The following CCDC102B variants were observed in gnomAD, a reference collection of about 807,000 sequenced individuals.
CCDC102B encodes coiled-coil domain-containing protein 102B.
CCDC102B carries 75 observed loss-of-function variants against 57.4 expected under a neutral mutation model. The observed-to-expected ratio is 1.31, with a 90% CI of 1.08 to 1.58. The LOEUF is 1.58. CCDC102B is among the 40% of genes most tolerant of loss of function. The probability of loss-of-function intolerance (pLI) is 0.00; values close to 1 mark genes in which losing one functional copy is unlikely to be tolerated. For synonymous variants in CCDC102B, 206 were observed against 201.9 expected (o/e 1.02, Z -0.17); for missense variants, 636 against 582.6 (o/e 1.09, Z -0.94).
At chr18:68,987,907 G>C (rs1467233402) in intron 6 of CCDC102B, among the ~76,000 whole-genome samples, 1 of 152,046 alleles carries the variant, frequency 6.6e-6, no homozygotes. Flanking sequence ...CTGCTCTTGA[G>C]GCTGCAGAAA....
At chr18:68,786,188 A>G (rs903841529) in intron 2 of CCDC102B, among the ~76,000 whole-genome samples, 4 of 151,364 alleles carry the variant, frequency 2.6e-5, no homozygotes, top group African/African-American at 9.7e-5. Context: ...ATTGATCTAT[A>G]TCTCTGTTTT....
At chr18:68,724,099 G>A (rs772785009) in intron 2 of CCDC102B, among the ~76,000 whole-genome samples, 6 of 152,266 alleles carry the variant, frequency 3.9e-5, no homozygotes, top group Middle Eastern at 6.8e-3. Flanking sequence ...GGCTTGCATC[G>A]TCAGAAGCAA....
Position 68,792,258 on chromosome 18 carries a change from C to G in CCDC102B, c.-66-31108C>G, listed in dbSNP as rs531789. ...CTCTTAATAATTAGATATTCCCAAG[C>G]AAATGTTCTAAAATTTTCAGTCTCA... is the stretch of plus-strand genomic sequence containing the variant. On this transcript the variant is annotated intron_variant, in intron 2 of 3. Transcript: ENST00000578970. Among the ~76,000 whole-genome samples, 830 of 152,256 alleles carry G rather than the reference C, an allele frequency of 5.5e-3. 5 individuals are homozygous for G. The highest frequency in any genetic ancestry group is 0.039 in the East Asian group (202 of 5,180).
At chr18:68,801,576 A>G (rs889310313) in intron 1 of CCDC102B, among the ~76,000 whole-genome samples, 2 of 152,110 alleles carry the variant, frequency 1.3e-5, no homozygotes, top group African/African-American at 4.8e-5. Context: ...GAGAAAAAAA[A>G]CATATGCTCA....
chr18:69,011,293 G>T, intron 7 of CCDC102B, 189 bp downstream of exon 7: 1 of 579,482 alleles, frequency 1.7e-6, no homozygotes. Context: ...GTTTGTGGCG[G>T]TAATAGTATA....
chr18:68,884,103 C>A (rs2039789903), intron 5 of CCDC102B, among the ~76,000 whole-genome samples: 1 of 152,018 alleles, frequency 6.6e-6, no homozygotes, highest in Admixed American at 6.6e-5. Context: ...GAAAACAATA[C>A]CAAGGTTTCT....
At chr18:68,771,625 C>T (rs574989135) in intron 2 of CCDC102B, among the ~76,000 whole-genome samples, 21 of 152,208 alleles carry the variant, frequency 1.4e-4, no homozygotes, top group Admixed American at 5.2e-4. Flanking sequence ...AAGCGAGGAG[C>T]GGTAAGGGCT....
intron 6 of CCDC102B, among the ~76,000 whole-genome samples, chr18:68,904,653 T>C (rs751823041): frequency 1.3e-5 from 2 of 152,152 alleles, no homozygotes; most frequent in African/African-American, 2.4e-5. Flanking sequence ...TTTACCCTAA[T>C]GTAATATGAT....
intron 1 of CCDC102B, among the ~76,000 whole-genome samples, chr18:68,826,313 G>T (rs2036900651): frequency 6.6e-6 from 1 of 151,794 alleles, no homozygotes; most frequent in Non-Finnish European, 1.5e-5. Context: ...TTCACAAATG[G>T]TTGTGGGCAG....
intron 6 of CCDC102B, among the ~76,000 whole-genome samples, chr18:68,953,192 A>G (rs1039262821): frequency 6.6e-6 from 1 of 152,130 alleles, no homozygotes; most frequent in African/African-American, 2.4e-5. Flanking sequence ...CTAGGCATTT[A>G]TAATATACAT....
At chr18:69,011,257 T>A (rs2051507829) in intron 7 of CCDC102B, 153 bp downstream of exon 7, 5 of 713,932 alleles carry the variant, frequency 7.0e-6, no homozygotes, top group Non-Finnish European at 1.1e-5. Context: ...AGTAAGGAAA[T>A]AAGATTACAC....
chr18:69,043,110 G>A (rs4091130), intron 7 of CCDC102B, among the ~76,000 whole-genome samples: 5,340 of 152,172 alleles, frequency 0.035, 293 homozygotes, highest in African/African-American at 0.12. Context: ...AGACAAACAT[G>A]TGAACAAAGG....
intron 6 of CCDC102B, among the ~76,000 whole-genome samples, chr18:68,927,974 A>C (rs1599705140): frequency 6.6e-6 from 1 of 151,892 alleles, no homozygotes; most frequent in Non-Finnish European, 1.5e-5. Flanking sequence ...CGTTTAACTT[A>C]CAGACACTGG....
intron 4 of CCDC102B, among the ~76,000 whole-genome samples, chr18:68,851,947 G>A (rs1167935201): frequency 6.6e-6 from 1 of 152,064 alleles, no homozygotes; most frequent in African/African-American, 2.4e-5. Flanking sequence ...TAAATCCAAA[G>A]CTTCTGTTTT....
intron 2 of CCDC102B, among the ~76,000 whole-genome samples, chr18:68,775,056 T>C (rs2034766256): frequency 6.6e-6 from 1 of 151,248 alleles, no homozygotes. Context: ...CTTTTCACTT[T>C]GTATTCTAGA....
chr18:68,991,412 A>G (rs1441686969), intron 6 of CCDC102B, among the ~76,000 whole-genome samples: 1 of 152,212 alleles, frequency 6.6e-6, no homozygotes, highest in Non-Finnish European at 1.5e-5. Context: ...CAGGGCACTA[A>G]GTGTGGGTAG....
intron 6 of CCDC102B, among the ~76,000 whole-genome samples, chr18:68,973,948 C>A (rs2050367999): frequency 6.6e-6 from 1 of 152,076 alleles, no homozygotes; most frequent in African/African-American, 2.4e-5. Context: ...ATCTTAGCGG[C>A]TGCAACATCA....
At chr18:68,982,128 T>C (rs187855819) in intron 6 of CCDC102B, among the ~76,000 whole-genome samples, 2 of 152,014 alleles carry the variant, frequency 1.3e-5, no homozygotes, top group East Asian at 3.9e-4. Context: ...TCAAAGTCAA[T>C]TGTTCTGGAG....
At chr18:68,749,467 A>G (rs188760756) in intron 2 of CCDC102B, among the ~76,000 whole-genome samples, 2 of 152,300 alleles carry the variant, frequency 1.3e-5, no homozygotes, top group Admixed American at 1.3e-4. Flanking sequence ...AGTGGTTTGC[A>G]GTTCTCCTTG....
Sources: gnomAD v4.1 joint callset for allele counts (sites outside exome capture counted in the v4.1 genomes callset) on GRCh38, gnomAD v4.1.1 for gene constraint, MANE v1.5 for transcripts, NCBI Gene and HGNC (gene_info 2026-07-23, HGNC 2026-07-21) for gene names.